The following SWT1 variants were observed in gnomAD, a reference collection of about 807,000 sequenced individuals.
SWT1 encodes the protein transcriptional protein SWT1.
SWT1 carries 33 observed loss-of-function variants against 107.3 expected under a neutral mutation model. The ratio of observed to expected loss-of-function variants is 0.31; its 90% CI spans 0.23 to 0.41. SWT1 has a LOEUF of 0.41. SWT1 is among the 10% of genes least tolerant of loss of function. SWT1 has a pLI of 1.00. For missense variants in SWT1, 898 were observed against 1,028.9 expected (o/e 0.87, Z 1.74); for synonymous variants, 345 against 348.3 (o/e 0.99, Z 0.11).
intron 16 of SWT1, among the ~76,000 whole-genome samples, chr1:185,248,775 C>CA (rs371891305): frequency 0.017 from 1,961 of 117,752 alleles, 20 homozygotes; most frequent in African/African-American, 0.033. Flanking sequence ...ACGACTAAGC[C>CA]AAAAAAAAAA....
chr1:185,180,444 T>A lies in SWT1; in HGVS notation c.1020T>A (p.Asp340Glu), dbSNP rs972753806. Residue 340 changes from aspartate (D) to glutamate (E), a missense_variant, in exon 6 of 19, where the codon GAT (aspartate) becomes GAA (glutamate). Asp to Glu is a conservative substitution (Grantham distance 45). Coordinates refer to ENST00000367500, the MANE Select transcript of SWT1 (RefSeq NM_017673.7). ...SVSSESIQDADQEMQIVEELH... is the reference protein window; with the variant it reads ...SVSSESIQDAEQEMQIVEELH... ...CATCTGAAAGTATCCAGGATGCAGATCAAGAGGTTATTGATATTCTTGTTT... is the reference window on the plus strand; with the variant it reads ...CATCTGAAAGTATCCAGGATGCAGAACAAGAGGTTATTGATATTCTTGTTT... 6.2e-7 allele frequency: 1 copy of A among 1,610,750 alleles called. No individual in the cohort carries two copies. The highest frequency in any genetic ancestry group is 1.7e-5 in the Admixed American group (1 of 60,016).
At chr1:185,198,286 C>T (rs1657572988) in intron 10 of SWT1, among the ~76,000 whole-genome samples, 1 of 152,192 alleles carries the variant, frequency 6.6e-6, no homozygotes, top group East Asian at 1.9e-4. Context: ...AATTTGATTA[C>T]ACTGTGGTCT....
intron 15 of SWT1, among the ~76,000 whole-genome samples, chr1:185,223,342 G>T (rs1336627240): frequency 2.6e-5 from 4 of 151,664 alleles, no homozygotes; most frequent in African/African-American, 9.7e-5. Context: ...TCATTTTTTT[G>T]ATTTTTTAAT....
chr1:185,268,897 G>A (rs1457084131), intron 16 of SWT1, among the ~76,000 whole-genome samples: 1 of 143,172 alleles, frequency 7.0e-6, no homozygotes, highest in Non-Finnish European at 1.5e-5. Context: ...CTTTTGCCCA[G>A]GCTTGAGTGC....
At chr1:185,282,574 A>G (rs1040263191) in intron 18 of SWT1, among the ~76,000 whole-genome samples, 1 of 152,134 alleles carries the variant, frequency 6.6e-6, no homozygotes, top group African/African-American at 2.4e-5. Context: ...CTGTCCTAGC[A>G]GACTACACCT....
chr1:185,228,322 A>G, intron 15 of SWT1, among the ~76,000 whole-genome samples: 1 of 151,532 alleles, frequency 6.6e-6, no homozygotes, highest in East Asian at 1.9e-4. Context: ...GGAGTTTGAG[A>G]CCAGCCTGGG....
In SWT1 at chr1:185,242,532, C is replaced by T. The variant is rs910850911; in HGVS notation, c.2441+10824C>T. ...GATACTTATATCAGCGGAGAAATGC[C>T]GCAGTTATTCCCATCGCCCCTAGAG... On this transcript the variant is annotated intron_variant, in intron 16 of 18. Transcript: ENST00000367500. 4.6e-5 allele frequency among the ~76,000 whole-genome samples: 7 copies of T among 152,122 alleles called. No individual in the cohort carries two copies. The East Asian group carries it at 5.8e-4, about 13-fold the overall frequency.
In SWT1 at chr1:185,182,063, C is replaced by A. The variant is rs764600154; in HGVS notation, c.1138+6C>A. 54 of 1,613,256 alleles carry A rather than the reference C, an allele frequency of 3.3e-5. No homozygotes were observed. Among genetic ancestry groups the A allele is most frequent in the Non-Finnish European group, 4.2e-5 (49 of 1,179,530 alleles). ...TGATGTACATTCCTCCTCTGGTATA[C>A]CCTATATGTTGATGTGTATGCTCCC... On this transcript the variant is annotated splice_donor_region_variant and intron_variant, in intron 7 of 18. Coordinates refer to ENST00000367500, the MANE Select transcript of SWT1 (RefSeq NM_017673.7).
intron 4 of SWT1, among the ~76,000 whole-genome samples, chr1:185,170,096 T>C (rs1654919590): frequency 1.3e-5 from 2 of 152,226 alleles, no homozygotes; most frequent in Admixed American, 1.3e-4. Context: ...CACCAAATGT[T>C]AAATTGGAGC....
At chr1:185,256,791 A>G (rs763825190) in intron 16 of SWT1, among the ~76,000 whole-genome samples, 2 of 152,154 alleles carry the variant, frequency 1.3e-5, no homozygotes, top group Non-Finnish European at 2.9e-5. Flanking sequence ...CGTCAAAGTC[A>G]TTCTCCATCC....
chr1:185,217,742 C>T (rs1182666223), intron 14 of SWT1, among the ~76,000 whole-genome samples: 1 of 151,946 alleles, frequency 6.6e-6, no homozygotes, highest in African/African-American at 2.4e-5. Flanking sequence ...ATTACAGGCA[C>T]GTCCTACCAC....
At chr1:185,216,505 T>C (rs554957259) in intron 14 of SWT1, among the ~76,000 whole-genome samples, 1 of 152,296 alleles carries the variant, frequency 6.6e-6, no homozygotes, top group African/African-American at 2.4e-5. Context: ...TTAGGATTCA[T>C]TGAAATAAAA....
chr1:185,202,859 A>G, intron 11 of SWT1, 60 bp downstream of exon 11: 1 of 951,292 alleles, frequency 1.1e-6, no homozygotes, highest in Non-Finnish European at 1.5e-6. Flanking sequence ...AAGATTATTT[A>G]TAACATTAGA....
chr1:185,171,101 C>A (rs957049683), intron 4 of SWT1, among the ~76,000 whole-genome samples: 1 of 152,124 alleles, frequency 6.6e-6, no homozygotes, highest in Admixed American at 6.6e-5. Context: ...GTCAGTTCCC[C>A]TAAAGTCACC....
chr1:185,169,240 C>T (rs1654839649), intron 4 of SWT1, among the ~76,000 whole-genome samples: 1 of 148,458 alleles, frequency 6.7e-6, no homozygotes, highest in Non-Finnish European at 1.5e-5. Flanking sequence ...TCCCTTGCTA[C>T]ATTTTTTGAA....
intron 15 of SWT1, chr1:185,226,748 T>G (rs1386183924): frequency 6.1e-6 from 3 of 495,800 alleles, no homozygotes; most frequent in East Asian, 3.4e-5. Flanking sequence ...TTTTTTTTTT[T>G]GCTGTCCATA....
chr1:185,193,770 G>A (rs796332640), intron 10 of SWT1, among the ~76,000 whole-genome samples: 1 of 152,110 alleles, frequency 6.6e-6, no homozygotes, highest in Non-Finnish European at 1.5e-5. Flanking sequence ...AAGGCTGGTT[G>A]CCTACTTTTT....
intron 16 of SWT1, among the ~76,000 whole-genome samples, chr1:185,270,791 T>C (rs1426425675): frequency 6.6e-6 from 1 of 152,240 alleles, no homozygotes; most frequent in Admixed American, 6.5e-5. Context: ...TTTCACAATT[T>C]ATGTAATCTA....
At chr1:185,262,894 T>A (rs188094452) in intron 16 of SWT1, among the ~76,000 whole-genome samples, 1 of 151,996 alleles carries the variant, frequency 6.6e-6, no homozygotes, top group East Asian at 1.9e-4. Flanking sequence ...CTCAGGTGAT[T>A]CTCCTACCTC....
Sources: allele counts gnomAD v4.1 joint callset (sites outside exome capture counted in the v4.1 genomes callset), GRCh38; gene constraint gnomAD v4.1.1; transcripts MANE v1.5; gene names NCBI Gene and HGNC (gene_info 2026-07-23, HGNC 2026-07-21).